The following BRAF variants were observed in gnomAD, a reference collection of about 807,000 sequenced individuals.
The protein encoded by BRAF is B-Raf proto-oncogene, serine/threonine kinase, also known as serine/threonine-protein kinase B-raf.
In BRAF, 16 loss-of-function variants were observed where a neutral mutation model predicts 104.6. The ratio of observed to expected loss-of-function variants is 0.15; its 90% CI spans 0.10 to 0.23. The LOEUF is 0.23. Among genes scored for constraint, BRAF ranks in the 10% least tolerant of loss-of-function variants. The probability of loss-of-function intolerance (pLI) is 1.00; values close to 1 mark genes in which losing one functional copy is unlikely to be tolerated. For missense variants in BRAF, 541 were observed against 937.3 expected (o/e 0.58, Z 5.52); for synonymous variants, 310 against 341.6 (o/e 0.91, Z 1.02).
chr7:140,756,044 G>A (rs1798177352), intron 14 of BRAF, among the ~76,000 whole-genome samples: 1 of 152,128 alleles, frequency 6.6e-6, no homozygotes, highest in African/African-American at 2.4e-5. Flanking sequence ...ATTTGATGCA[G>A]AGGAATATAG....
chr7:140,777,178 T>C lies in BRAF; in HGVS notation c.1638-90A>G. 2.8e-6 allele frequency: 4 copies of C among 1,411,094 alleles called. No individual in the cohort carries two copies. The Admixed American group carries it at 8.1e-5, about 29-fold the overall frequency. The allele number at this position is 1,411,094 out of a possible 1,614,324, so 87.4% of individuals were successfully genotyped here. Reference sequence around the variant, plus strand: ...GAACCAAAGTAGTCTGTCGGTAAAATGTTGTCAGAAAAAGCTTTTTTTTTT... The same window carrying C: ...GAACCAAAGTAGTCTGTCGGTAAAACGTTGTCAGAAAAAGCTTTTTTTTTT... On this transcript the variant is annotated intron_variant, in intron 13 of 19. Transcript: ENST00000644969.
At chr7:140,838,057 A>T (rs576702868) in intron 2 of BRAF, among the ~76,000 whole-genome samples, 2 of 152,278 alleles carry the variant, frequency 1.3e-5, no homozygotes, top group African/African-American at 4.8e-5. Flanking sequence ...GCAAACCTCA[A>T]CCACAACCAC....
At chr7:140,912,816 G>A (rs1041113121) in intron 1 of BRAF, among the ~76,000 whole-genome samples, 15 of 152,176 alleles carry the variant, frequency 9.9e-5, no homozygotes, top group Non-Finnish European at 8.8e-5. Context: ...CCAAAGTGCT[G>A]GGATTACAGG....
chr7:140,722,120 GAGT>G lies in BRAF; in HGVS notation c.*4371_*4373del. ...GTTCCATGCTTTGAAGAGCCTATGG[GAGT>G]AGAAAAAGTTTCTCTAGAAATGTCA... On this transcript the variant is annotated 3_prime_UTR_variant, in exon 20 of 20. Transcript: ENST00000644969. 9.3e-7 allele frequency: 1 copy of G among 1,071,898 alleles called. No homozygotes were observed. Among genetic ancestry groups the G allele is most frequent in the Non-Finnish European group, 1.1e-6 (1 of 884,176 alleles). The allele number at this position is 1,071,898 out of a possible 1,614,324, so 66.4% of individuals were successfully genotyped here.
At chr7:140,848,585 A>G (rs910095204) in intron 2 of BRAF, among the ~76,000 whole-genome samples, 1 of 152,240 alleles carries the variant, frequency 6.6e-6, no homozygotes, top group African/African-American at 2.4e-5. Flanking sequence ...ATTACATCTC[A>G]GCATGGGTTC....
At chr7:140,898,471 T>C (rs1815212676) in intron 1 of BRAF, among the ~76,000 whole-genome samples, 1 of 152,140 alleles carries the variant, frequency 6.6e-6, no homozygotes, top group Admixed American at 6.5e-5. Context: ...CTATAAACAA[T>C]TTAAGAAAAA....
At chr7:140,814,793 ATATATATATTATATATAACATATATAATT>A (rs1804675127) in intron 3 of BRAF, among the ~76,000 whole-genome samples, 1 of 130,814 alleles carries the variant, frequency 7.6e-6, no homozygotes, top group Non-Finnish European at 1.7e-5. Context: ...TATATATAAC[ATATATATATTATATATAACATATATAATT>A]TATATATATT....
intron 17 of BRAF, among the ~76,000 whole-genome samples, chr7:140,746,695 A>T (rs1488075198): frequency 6.6e-6 from 1 of 151,796 alleles, no homozygotes; most frequent in Non-Finnish European, 1.5e-5. Context: ...AGCTGGGTGT[A>T]GTGCTGCGTG....
intron 1 of BRAF, among the ~76,000 whole-genome samples, chr7:140,865,885 A>T (rs186729350): frequency 6.6e-6 from 1 of 152,332 alleles, no homozygotes; most frequent in Admixed American, 6.5e-5. Flanking sequence ...AAACTGAATA[A>T]GAGGATCAAA....
chr7:140,794,282 T>C (rs1175298111), intron 8 of BRAF, 26 bp downstream of exon 8: 3 of 1,612,626 alleles, frequency 1.9e-6, no homozygotes, highest in Admixed American at 1.7e-5. Context: ...GGTTTTTTTT[T>C]AGTTCTAGCA....
chr7:140,772,272 TACAACAACAACA>T lies in BRAF; in HGVS notation c.1814+4628_1814+4639del, dbSNP rs61337459. Among the ~76,000 whole-genome samples, 147 of 149,314 alleles carry T rather than the reference TACAACAACAACA, an allele frequency of 9.8e-4. 1 individual carries two copies. The highest frequency in any genetic ancestry group is 1.7e-3 in the South Asian group (8 of 4,654). On this transcript the variant is annotated intron_variant, in intron 14 of 19. Transcript: ENST00000644969. ...GCCTGATTAAAACAGATTGTTTAACTACAACAACAACAACAACAACAACAACAACAACAACAA... is the reference window on the plus strand; with the variant it reads ...GCCTGATTAAAACAGATTGTTTAACTACAACAACAACAACAACAACAACAA...
chr7:140,824,327 T>C (rs971763903), intron 3 of BRAF: 10 of 152,188 alleles, frequency 6.6e-5, no homozygotes, highest in Admixed American at 2.0e-4. Flanking sequence ...TCTTTGTACA[T>C]GGTATAAGGG....
rs1357148314 is a variant in BRAF at position 140,725,593 on chromosome 7, G to A, written c.*901C>T. The A allele has an allele frequency of 1.4e-5, 15 of 1,057,046 alleles. No homozygotes were observed. Among genetic ancestry groups the A allele is most frequent in the African/African-American group, 3.3e-5 (2 of 60,516 alleles). 65.5% of individuals were successfully genotyped at this position (1,057,046 alleles called of 1,614,324 possible). On this transcript the variant is annotated 3_prime_UTR_variant, in exon 20 of 20. Transcript: ENST00000644969. ...TGGGGGTTTAGTTAGATACTGCCAC[G>A]GCATTTTGTGCCCTGGACAAAGTAG... is the stretch of plus-strand genomic sequence containing the variant.
intron 1 of BRAF, among the ~76,000 whole-genome samples, chr7:140,874,662 T>C (rs1260404688): frequency 6.6e-6 from 1 of 152,048 alleles, no homozygotes; most frequent in Non-Finnish European, 1.5e-5. Flanking sequence ...GCCAACATTC[T>C]GAGAGCAGGG....
At chr7:140,771,894 T>C (rs1799876676) in intron 14 of BRAF, among the ~76,000 whole-genome samples, 1 of 151,998 alleles carries the variant, frequency 6.6e-6, no homozygotes, top group African/African-American at 2.4e-5. Context: ...GAAAGAGAGC[T>C]GGAGGGAGCT....
chr7:140,772,560 G>A (rs962642067), intron 14 of BRAF, among the ~76,000 whole-genome samples: 2 of 152,000 alleles, frequency 1.3e-5, no homozygotes, highest in Admixed American at 6.6e-5. Context: ...AGGTTGCAGC[G>A]AGCTGAGAGA....
Position 140,719,983 on chromosome 7 carries a change from T to G in BRAF, c.*6511A>C, listed in dbSNP as rs1247625677. The G allele has an allele frequency of 9.4e-7, 1 of 1,062,496 alleles. No individual in the cohort carries two copies. Among genetic ancestry groups the G allele is most frequent in the African/African-American group, 1.6e-5 (1 of 60,862 alleles). The allele number at this position is 1,062,496 out of a possible 1,614,324, so 65.8% of individuals were successfully genotyped here. A position where few individuals can be genotyped will look rare whatever the true frequency, so the allele number is the denominator to read the frequency against. The stretch of plus-strand genomic sequence containing the variant: ...TTCACTGCAGTTCAAACAGGAAGCA[T>G]CTCCCTTTCCTCTCCCTTACAGGAG... On this transcript the variant is annotated 3_prime_UTR_variant, in exon 20 of 20. Coordinates refer to ENST00000644969, the MANE Select transcript of BRAF (RefSeq NM_001374258.1).
chr7:140,786,532 C>T (rs953992547), intron 9 of BRAF, among the ~76,000 whole-genome samples: 3 of 152,066 alleles, frequency 2.0e-5, no homozygotes, highest in African/African-American at 7.2e-5. Context: ...TAGGGTAATG[C>T]TTACAAAAAG....
rs1796200879 is a variant in BRAF, at chr7:140,734,274, A to G, written c.2401+343T>C. Reference sequence around the variant, plus strand: ...AGTGGACATGTGATAGCTGGCAACAAAAGTTGCATGAGAAACTGAAGTTTA... The same window carrying G: ...AGTGGACATGTGATAGCTGGCAACAGAAGTTGCATGAGAAACTGAAGTTTA... On this transcript the variant is annotated intron_variant, in intron 19 of 19. Coordinates refer to ENST00000644969, the MANE Select transcript of BRAF (RefSeq NM_001374258.1). The G allele has an allele frequency of 4.9e-6, 6 of 1,224,292 alleles. No homozygotes were observed. In the South Asian group the frequency reaches 6.3e-5, roughly 13 times the overall value. The allele number at this position is 1,224,292 out of a possible 1,614,324, so 75.8% of individuals were successfully genotyped here. A position where few individuals can be genotyped will look rare whatever the true frequency, so the allele number is the denominator to read the frequency against.
Sources: gnomAD v4.1 joint callset for allele counts (sites outside exome capture counted in the v4.1 genomes callset) on GRCh38, gnomAD v4.1.1 for gene constraint, MANE v1.5 for transcripts, NCBI Gene and HGNC (gene_info 2026-07-23, HGNC 2026-07-21) for gene names.